The following ERBB4 variants were observed in gnomAD, a reference collection of about 807,000 sequenced individuals.
ERBB4 encodes the protein receptor tyrosine-protein kinase erbB-4.
Under a neutral mutation model 158.0 loss-of-function variants are expected in ERBB4, and 42 were observed. The observed-to-expected ratio is 0.27, with a 90% CI of 0.21 to 0.34. The LOEUF is 0.34. ERBB4 is among the 10% of genes least tolerant of loss of function. The pLI, the probability that ERBB4 is intolerant of heterozygous loss-of-function variation, is 1.00. For missense variants in ERBB4, 1,333 were observed against 1,624.1 expected (o/e 0.82, Z 3.08); for synonymous variants, 583 against 558.7 (o/e 1.04, Z -0.61).
In ERBB4 at chr2:211,890,589, C is replaced by T. The variant is rs867689916; in HGVS notation, c.421+56841G>A. Among the ~76,000 whole-genome samples the T allele has an allele frequency of 9.2e-4, 134 of 145,488 alleles. 1 individual carries two copies. In the South Asian group the frequency reaches 0.015, roughly 16 times the overall value. Reference sequence around the variant, plus strand: ...TTAAATGTAAATGGACTAAATTCTCCAATTAAAAGACACAGACTGGCAAAT... The same window carrying T: ...TTAAATGTAAATGGACTAAATTCTCTAATTAAAAGACACAGACTGGCAAAT... On this transcript the variant is annotated intron_variant, in intron 3 of 27. Coordinates refer to ENST00000342788, the MANE Select transcript of ERBB4 (RefSeq NM_005235.3).
At chr2:212,111,195 A>G (rs1426862744) in intron 2 of ERBB4, among the ~76,000 whole-genome samples, 1 of 152,136 alleles carries the variant, frequency 6.6e-6, no homozygotes, top group East Asian at 1.9e-4. Flanking sequence ...TTCTTCACCC[A>G]CACCCTTTAT....
chr2:212,457,622 G>T (rs953240809), intron 1 of ERBB4, among the ~76,000 whole-genome samples: 1 of 151,966 alleles, frequency 6.6e-6, no homozygotes, highest in African/African-American at 2.4e-5. Flanking sequence ...TTCTACATCT[G>T]TTATCTTTAA....
intron 3 of ERBB4, among the ~76,000 whole-genome samples, chr2:211,901,163 C>T (rs1047910663): frequency 9.2e-5 from 14 of 152,060 alleles, no homozygotes; most frequent in Admixed American, 5.2e-4. Flanking sequence ...GGATCATGTT[C>T]TTGATGCCAA....
intron 1 of ERBB4, among the ~76,000 whole-genome samples, chr2:212,281,077 C>T (rs946835317): frequency 6.6e-6 from 1 of 151,688 alleles, no homozygotes; most frequent in Non-Finnish European, 1.5e-5. Context: ...TTCACAACTC[C>T]CCCTCAGAAA....
intron 1 of ERBB4, among the ~76,000 whole-genome samples, chr2:212,335,302 C>T (rs1387375144): frequency 6.6e-6 from 1 of 151,774 alleles, no homozygotes; most frequent in Non-Finnish European, 1.5e-5. Context: ...CTTAACAATA[C>T]AAAATTGATA....
At chr2:212,012,751 T>C (rs939736588) in intron 2 of ERBB4, among the ~76,000 whole-genome samples, 27 of 151,920 alleles carry the variant, frequency 1.8e-4, no homozygotes, top group African/African-American at 6.5e-4. Context: ...TATTTTATTT[T>C]ATTTCATTTT....
chr2:212,325,926 G>T, intron 1 of ERBB4, among the ~76,000 whole-genome samples: 1 of 150,294 alleles, frequency 6.7e-6, no homozygotes. Flanking sequence ...TAAGTATTTG[G>T]CAAAAAACTA....
At chr2:211,940,006 T>TAGATAGATAGATAGATAGATAGATAGAC (rs1210326694) in intron 3 of ERBB4, among the ~76,000 whole-genome samples, 1,614 of 150,732 alleles carry the variant, frequency 0.011, 22 homozygotes, top group Admixed American at 0.022. Flanking sequence ...GATAGATAGA[T>TAGATAGATAGATAGATAGATAGATAGAC]AGAGATAGAT....
intron 4 of ERBB4, among the ~76,000 whole-genome samples, chr2:211,770,660 T>A (rs980146383): frequency 6.6e-6 from 1 of 152,288 alleles, no homozygotes; most frequent in South Asian, 2.1e-4. Flanking sequence ...AGAGACCTAC[T>A]ATTTCAAGAT....
intron 3 of ERBB4, among the ~76,000 whole-genome samples, chr2:211,945,884 T>G (rs777234406): frequency 6.6e-6 from 1 of 152,078 alleles, no homozygotes; most frequent in Non-Finnish European, 1.5e-5. Flanking sequence ...GAAAGAAATT[T>G]ATTCATTTTT....
intron 1 of ERBB4, among the ~76,000 whole-genome samples, chr2:212,326,690 T>C (rs1418063573): frequency 6.6e-6 from 1 of 150,780 alleles, no homozygotes; most frequent in African/African-American, 2.4e-5. Context: ...TTGATTTTCA[T>C]GCTGTCCCAA....
chr2:211,702,312 T>A, intron 11 of ERBB4, 146 bp from the exon 12 acceptor site: 1 of 734,492 alleles, frequency 1.4e-6, no homozygotes, highest in Non-Finnish European at 2.4e-6. Context: ...TGTTTTTACA[T>A]GCTATATACA....
chr2:211,935,466 T>C (rs1285333173), intron 3 of ERBB4, among the ~76,000 whole-genome samples: 1 of 152,142 alleles, frequency 6.6e-6, no homozygotes, highest in African/African-American at 2.4e-5. Flanking sequence ...ACTCTTTCTC[T>C]CTTGCGGGAC....
chr2:212,533,872 C>T (rs1478799353), intron 1 of ERBB4, among the ~76,000 whole-genome samples: 1 of 152,134 alleles, frequency 6.6e-6, no homozygotes, highest in African/African-American at 2.4e-5. Flanking sequence ...GTGGAATATG[C>T]TTGGTGATTA....
At chr2:211,940,151 G>A (rs918067835) in intron 3 of ERBB4, among the ~76,000 whole-genome samples, 1 of 151,996 alleles carries the variant, frequency 6.6e-6, no homozygotes, top group African/African-American at 2.4e-5. Flanking sequence ...TGGATGCAGA[G>A]AATTTTTCAA....
chr2:212,260,532 C>T, intron 1 of ERBB4, among the ~76,000 whole-genome samples: 1 of 151,994 alleles, frequency 6.6e-6, no homozygotes, highest in Admixed American at 6.6e-5. Flanking sequence ...GAAAGTAGGC[C>T]CTCTGCGCAG....
rs528742823 is a variant in ERBB4 at position 211,937,319 on chromosome 2, A to AT, written c.421+10110dup. 8.5e-5 allele frequency among the ~76,000 whole-genome samples: 13 copies of AT among 152,264 alleles called. 1 individual carries two copies. The South Asian group carries it at 2.7e-3, about 32-fold the overall frequency. On this transcript the variant is annotated intron_variant, in intron 3 of 27. Transcript: ENST00000342788. The stretch of plus-strand genomic sequence containing the variant: ...ACCTTGTTATTAAATAAATGCTATA[A>AT]TTTTTTTAAAAAAACTTTTAACATG...
At chr2:211,409,518 CT>C (rs2063212748) in intron 25 of ERBB4, among the ~76,000 whole-genome samples, 1 of 152,118 alleles carries the variant, frequency 6.6e-6, no homozygotes, top group African/African-American at 2.4e-5. Context: ...GTTCTCCCTG[CT>C]TTTTTGCTCT....
intron 3 of ERBB4, among the ~76,000 whole-genome samples, chr2:211,839,146 AGAGAGAAGGAGGAGGAGG>A (rs1559562071): frequency 3.6e-5 from 4 of 111,168 alleles, no homozygotes; most frequent in African/African-American, 1.1e-4. Flanking sequence ...AGAGAGGGAG[AGAGAGAAGGAGGAGGAGG>A]AGGAGGAGGA....
Sources: gnomAD v4.1 joint callset for allele counts (sites outside exome capture counted in the v4.1 genomes callset) on GRCh38, gnomAD v4.1.1 for gene constraint, MANE v1.5 for transcripts, NCBI Gene and HGNC (gene_info 2026-07-23, HGNC 2026-07-21) for gene names.